Variants in RPS6KA3 observed in about 807,000 individuals in gnomAD.
The protein encoded by RPS6KA3 is ribosomal protein S6 kinase A3.
A neutral mutation model predicts 67.2 loss-of-function variants in RPS6KA3; 4 were observed. The observed-to-expected ratio is 0.06, with a 90% CI of 0.03 to 0.14. The LOEUF (loss-of-function observed/expected upper bound fraction) is 0.14. Among genes scored for constraint, RPS6KA3 ranks in the 10% least tolerant of loss-of-function variants. RPS6KA3 has a pLI of 1.00. For missense variants in RPS6KA3, 204 were observed against 559.0 expected, an observed-to-expected ratio of 0.36 and a Z score of 6.40; for synonymous variants, 182 against 183.7, an observed-to-expected ratio of 0.99 and a Z score of 0.07.
At chrX:20,183,604 T>C in intron 10 of RPS6KA3, among the ~76,000 whole-genome samples, 1 of 112,311 alleles carries the variant, frequency 8.9e-6, no homozygotes, top group Non-Finnish European at 1.9e-5. Context: ...TTCTTTATTC[T>C]TTTGCATAGA....
intron 11 of RPS6KA3, among the ~76,000 whole-genome samples, chrX:20,176,751 C>A (rs1445885240): frequency 9.0e-6 from 1 of 110,763 alleles, no homozygotes; most frequent in Non-Finnish European, 1.9e-5. Context: ...ACCACCATGC[C>A]TGGCTAATTT....
chrX:20,170,052 T>C (rs1166959740), intron 15 of RPS6KA3, among the ~76,000 whole-genome samples: 2 of 112,482 alleles, frequency 1.8e-5, no homozygotes, highest in Non-Finnish European at 3.8e-5. Context: ...GGCAGAAAGC[T>C]ACATAGAAAA....
chrX:20,265,687 C>G (rs763700560), intron 1 of RPS6KA3: 2 of 111,060 alleles, frequency 1.8e-5, no homozygotes, highest in Admixed American at 9.5e-5. Context: ...TCGCAGACCC[C>G]GAGTTGTTCT....
chrX:20,219,641 CACTT>C (rs1249033723), intron 2 of RPS6KA3, among the ~76,000 whole-genome samples: 1 of 111,350 alleles, frequency 9.0e-6, no homozygotes. Flanking sequence ...CAAAATGAAA[CACTT>C]AAGAAGCCAT....
chrX:20,186,524 A>G (rs1344940262), intron 9 of RPS6KA3, among the ~76,000 whole-genome samples, 158 bp from the exon 10 acceptor site: 1 of 110,975 alleles, frequency 9.0e-6, no homozygotes, highest in Non-Finnish European at 1.9e-5. Flanking sequence ...TCGTTACTGA[A>G]GTTCTTGATA....
At chrX:20,264,038 G>T (rs941158818) in intron 1 of RPS6KA3, among the ~76,000 whole-genome samples, 28 of 112,252 alleles carry the variant, frequency 2.5e-4, no homozygotes, top group Admixed American at 9.4e-5. Context: ...CGGTATAATA[G>T]TGAAAATATT....
chrX:20,259,442 AATT>A (rs1412743778), intron 1 of RPS6KA3, among the ~76,000 whole-genome samples: 4 of 111,932 alleles, frequency 3.6e-5, no homozygotes, highest in Non-Finnish European at 5.7e-5. Flanking sequence ...CTTTTATTTA[AATT>A]ATTATTAAAT....
intron 1 of RPS6KA3, among the ~76,000 whole-genome samples, chrX:20,258,030 G>C (rs994874465): frequency 1.8e-5 from 2 of 111,891 alleles, no homozygotes; most frequent in African/African-American, 6.5e-5. Context: ...TTAAATATTT[G>C]TTTTTAGAAA....
chrX:20,257,033 T>G (rs2147071551), intron 1 of RPS6KA3, among the ~76,000 whole-genome samples: 1 of 112,305 alleles, frequency 8.9e-6, no homozygotes, highest in Non-Finnish European at 1.9e-5. Flanking sequence ...GAGACTTGGG[T>G]TTGAATTCTG....
chrX:20,178,488 T>TTTTTTTTG (rs1221253065), intron 10 of RPS6KA3, among the ~76,000 whole-genome samples: 1 of 106,818 alleles, frequency 9.4e-6, no homozygotes, highest in African/African-American at 3.4e-5. Context: ...TCAGTTTTTT[T>TTTTTTTTG]TTTTTTTTTT....
intron 1 of RPS6KA3, among the ~76,000 whole-genome samples, chrX:20,250,314 A>C (rs757832238): frequency 9.0e-6 from 1 of 111,261 alleles, no homozygotes; most frequent in South Asian, 3.8e-4. Context: ...TCAGTCTCCC[A>C]AGTACCTAGG....
At chrX:20,233,315 C>G (rs1180669812) in intron 2 of RPS6KA3, among the ~76,000 whole-genome samples, 1 of 111,197 alleles carries the variant, frequency 9.0e-6, no homozygotes, top group Non-Finnish European at 1.9e-5. Flanking sequence ...TGTTTATGCC[C>G]TTGGTTTCAG....
At chrX:20,155,617 T>C in intron 21 of RPS6KA3, 97 bp from the exon 22 acceptor site, 2 of 992,442 alleles carry the variant, frequency 2.0e-6, no homozygotes, top group Non-Finnish European at 2.8e-6. Flanking sequence ...CAAATGTACA[T>C]AGATTTTATT....
intron 2 of RPS6KA3, among the ~76,000 whole-genome samples, chrX:20,229,835 T>C (rs1289371508): frequency 1.8e-5 from 2 of 112,081 alleles, no homozygotes; most frequent in Admixed American, 9.5e-5. Flanking sequence ...CTCATCCACA[T>C]TGCTGGTAGT....
intron 2 of RPS6KA3, 74 bp from the exon 3 acceptor site, chrX:20,209,478 T>C: frequency 1.8e-6 from 1 of 563,504 alleles, no homozygotes. Flanking sequence ...TCAAACAATA[T>C]TAATTTAATC....
intron 11 of RPS6KA3, 79 bp from the exon 12 acceptor site, chrX:20,176,577 T>C: frequency 1.7e-6 from 1 of 591,838 alleles, no homozygotes; most frequent in Non-Finnish European, 2.8e-6. Context: ...TCAATACTTG[T>C]CTAATTAATT....
intron 2 of RPS6KA3, among the ~76,000 whole-genome samples, chrX:20,229,962 G>A (rs1198540381): frequency 8.9e-6 from 1 of 112,128 alleles, no homozygotes; most frequent in East Asian, 2.8e-4. Context: ...AATGGAAAAT[G>A]CTTTTAGACT....
chrX:20,225,470 C>A (rs181279979), intron 2 of RPS6KA3, among the ~76,000 whole-genome samples: 1 of 110,734 alleles, frequency 9.0e-6, no homozygotes, highest in African/African-American at 3.3e-5. Context: ...ATACTTAAAT[C>A]TACTAGGGTA....
Position 20,194,157 on chromosome X carries a change from A to G in RPS6KA3, c.486+32T>C, listed in dbSNP as rs1160715921. The stretch of plus-strand genomic sequence containing the variant: ...GCTTTAGTTCAAACAGGATGCATGT[A>G]AATAGACTAAAAATAGAGATTAATT... On this transcript the variant is annotated intron_variant, in intron 6 of 21. Transcript: ENST00000379565. 3.3e-6 allele frequency: 3 copies of G among 918,146 alleles called. No homozygotes were observed. The African/African-American group carries it at 5.7e-5, about 18-fold the overall frequency. The allele number at this position is 918,146 out of a possible 1,213,427, so 75.7% of individuals were successfully genotyped here. A position where few individuals can be genotyped will look rare whatever the true frequency, so the allele number is the denominator to read the frequency against.
Sources: gnomAD v4.1 joint callset for allele counts (sites outside exome capture counted in the v4.1 genomes callset) on GRCh38, gnomAD v4.1.1 for gene constraint, MANE v1.5 for transcripts, NCBI Gene and HGNC (gene_info 2026-07-23, HGNC 2026-07-21) for gene names.